NRXN3: variants seen among roughly 807,000 people sequenced by gnomAD.
NRXN3 encodes neurexin 3, also known as neurexin III.
NRXN3 carries 32 observed loss-of-function variants against 137.6 expected under a neutral mutation model. The ratio of observed to expected loss-of-function variants is 0.23; its 90% confidence interval spans 0.18 to 0.31. The LOEUF (loss-of-function observed/expected upper bound fraction) is 0.31, where lower values mean the gene tolerates loss of function less well. NRXN3 is among the 10% of genes least tolerant of loss of function. The pLI is 1.00. For synonymous variants in NRXN3, 798 were observed against 784.5 expected, an observed-to-expected ratio of 1.02 and a Z score of -0.29; for missense variants, 1,574 against 2,062.5, an observed-to-expected ratio of 0.76 and a Z score of 4.59.
chr14:79,728,577 G>A (rs1478545161), intron 19 of NRXN3, among the ~76,000 whole-genome samples: 1 of 152,190 alleles, frequency 6.6e-6, no homozygotes, highest in African/African-American at 2.4e-5. Context: ...TTTCATCTTT[G>A]CAGGCCCCAG....
intron 4 of NRXN3, among the ~76,000 whole-genome samples, chr14:78,574,261 G>A (rs2096915885): frequency 6.6e-6 from 1 of 152,252 alleles, no homozygotes. Flanking sequence ...GAAATGTGGG[G>A]TCTGAGCTCC....
chr14:78,510,040 T>TTTTATATATATATATATA (rs1555580324), intron 4 of NRXN3, among the ~76,000 whole-genome samples: 2 of 144,424 alleles, frequency 1.4e-5, no homozygotes, highest in African/African-American at 5.5e-5. Context: ...TGACAAAATT[T>TTTTATATATATATATATA]TATATATATA....
intron 15 of NRXN3, among the ~76,000 whole-genome samples, chr14:79,459,406 C>T (rs2096297757): frequency 6.6e-6 from 1 of 151,892 alleles, no homozygotes; most frequent in Non-Finnish European, 1.5e-5. Flanking sequence ...TCCAATAAGA[C>T]TGATGCTCTT....
At chr14:78,249,094 T>C (rs1935279915) in intron 2 of NRXN3, among the ~76,000 whole-genome samples, 4 of 152,190 alleles carry the variant, frequency 2.6e-5, no homozygotes, top group Admixed American at 1.3e-4. Flanking sequence ...GAAAAGCAAT[T>C]TTTTAAAATC....
intron 16 of NRXN3, among the ~76,000 whole-genome samples, chr14:79,490,023 A>G (rs1174869848): frequency 1.4e-5 from 2 of 141,272 alleles, no homozygotes; most frequent in Non-Finnish European, 3.0e-5. Context: ...TGGGGGACAG[A>G]GCAATACTCC....
chr14:78,507,042 G>A (rs865911346), intron 4 of NRXN3, among the ~76,000 whole-genome samples: 3 of 152,076 alleles, frequency 2.0e-5, no homozygotes, highest in Non-Finnish European at 4.4e-5. Flanking sequence ...TAATTTGAGT[G>A]TTTAAAACAT....
At chr14:78,856,925 G>A (rs1180948070) in intron 10 of NRXN3, among the ~76,000 whole-genome samples, 1 of 152,102 alleles carries the variant, frequency 6.6e-6, no homozygotes, top group South Asian at 2.1e-4. Context: ...TAGAAACATG[G>A]TTTCACCATG....
chr14:79,115,325 C>CA (rs11426637), intron 15 of NRXN3, among the ~76,000 whole-genome samples: 110,493 of 131,116 alleles, frequency 0.84, 49,129 homozygotes, highest in Non-Finnish European at 0.97. Context: ...AACTCTGTCT[C>CA]AAAAAAAAAA....
intron 15 of NRXN3, chr14:79,280,621 G>A (rs2081125487): frequency 7.7e-7 from 1 of 1,304,426 alleles, no homozygotes; most frequent in Admixed American, 2.1e-5. Context: ...TCAAAGGTGG[G>A]AAGGGAATTT....
At chr14:79,154,356 A>C (rs1437237381) in intron 15 of NRXN3, among the ~76,000 whole-genome samples, 1 of 151,980 alleles carries the variant, frequency 6.6e-6, no homozygotes, top group Admixed American at 6.6e-5. Flanking sequence ...GAGCTGAAAA[A>C]GTCAGAAGAG....
At chr14:78,950,861 G>A (rs746268478) in intron 10 of NRXN3, among the ~76,000 whole-genome samples, 3 of 152,152 alleles carry the variant, frequency 2.0e-5, no homozygotes, top group Non-Finnish European at 4.4e-5. Flanking sequence ...ACTCATAGGA[G>A]AGACACAATA....
chr14:79,720,131 G>C (rs906124721), intron 19 of NRXN3, among the ~76,000 whole-genome samples: 6 of 152,058 alleles, frequency 3.9e-5, no homozygotes, highest in Non-Finnish European at 8.8e-5. Flanking sequence ...CACATGGCTA[G>C]GGAGGCCTCA....
chr14:78,198,426 G>C (rs1307472816), intron 1 of NRXN3, among the ~76,000 whole-genome samples: 1 of 152,200 alleles, frequency 6.6e-6, no homozygotes, highest in Non-Finnish European at 1.5e-5. Context: ...GGAGTTTAGA[G>C]TTGGAAAATT....
At chr14:78,845,390 A>G (rs2099023731) in intron 10 of NRXN3, among the ~76,000 whole-genome samples, 2 of 152,118 alleles carry the variant, frequency 1.3e-5, no homozygotes, top group Non-Finnish European at 2.9e-5. Context: ...GGCATGTTGC[A>G]AAACATAAAC....
intron 10 of NRXN3, among the ~76,000 whole-genome samples, chr14:78,825,165 C>G (rs1408095228): frequency 7.1e-6 from 1 of 140,696 alleles, no homozygotes; most frequent in Non-Finnish European, 1.5e-5. Flanking sequence ...ACACTGCACT[C>G]CAGCCTGCGT....
intron 4 of NRXN3, among the ~76,000 whole-genome samples, chr14:78,525,281 G>T (rs1248729750): frequency 6.6e-6 from 1 of 152,142 alleles, no homozygotes; most frequent in Non-Finnish European, 1.5e-5. Flanking sequence ...ATTTTAATTT[G>T]CACACTGCTG....
chr14:78,700,116 A>T (rs916385260), intron 6 of NRXN3, among the ~76,000 whole-genome samples: 8 of 152,180 alleles, frequency 5.3e-5, no homozygotes, highest in African/African-American at 1.9e-4. Flanking sequence ...TTGTCCTTCA[A>T]CTTTCTCTGT....
At chr14:78,217,764 C>G (rs187945851) in intron 1 of NRXN3, among the ~76,000 whole-genome samples, 1 of 152,132 alleles carries the variant, frequency 6.6e-6, no homozygotes, top group African/African-American at 2.4e-5. Context: ...TAGGTTCAAG[C>G]GATTCTTCTG....
rs147072493 is a variant in NRXN3, at chr14:79,482,333, G to C, written c.3444+14931G>C. Among the ~76,000 whole-genome samples the C allele has an allele frequency of 9.1e-4, 138 of 152,254 alleles. No homozygotes were observed. In the East Asian group the frequency reaches 0.026, roughly 29 times the overall value. On this transcript the variant is annotated intron_variant, in intron 16 of 20. Coordinates refer to ENST00000335750, the MANE Select transcript of NRXN3 (RefSeq NM_001330195.2). ...CTTTCACTGTCATAATTTTCTCACT[G>C]TTATATATTTTGCAACAGCAGTTTC...
Sources: allele counts gnomAD v4.1 joint callset (sites outside exome capture counted in the v4.1 genomes callset), GRCh38; gene constraint gnomAD v4.1.1; transcripts MANE v1.5; gene names NCBI Gene and HGNC (gene_info 2026-07-23, HGNC 2026-07-21).